Variants in NXPH1 observed in about 807,000 individuals in gnomAD.
NXPH1 encodes neurexophilin-1.
NXPH1 carries 5 observed loss-of-function variants against 23.7 expected under a neutral mutation model. That is an observed-to-expected ratio of 0.21 (90% CI 0.11 to 0.44). The LOEUF (loss-of-function observed/expected upper bound fraction) is 0.44. NXPH1 is among the 20% of genes least tolerant of loss of function. The pLI is 0.99. For synonymous variants in NXPH1, 144 were observed against 122.2 expected, an observed-to-expected ratio of 1.18 and a Z score of -1.18; for missense variants, 324 against 321.6, an observed-to-expected ratio of 1.01 and a Z score of -0.06.
At chr7:8,681,407 A>C (rs1004004844) in intron 2 of NXPH1, among the ~76,000 whole-genome samples, 4 of 152,184 alleles carry the variant, frequency 2.6e-5, no homozygotes, top group Admixed American at 1.3e-4. Context: ...GTAGACACCA[A>C]AGGGACCTTG....
chr7:8,673,540 T>A (rs1298655451), intron 2 of NXPH1, among the ~76,000 whole-genome samples: 1 of 152,198 alleles, frequency 6.6e-6, no homozygotes, highest in Non-Finnish European at 1.5e-5. Flanking sequence ...CAGTGCTGGG[T>A]TTGTATTCCA....
At chr7:8,528,605 C>G (rs930472236) in intron 2 of NXPH1, among the ~76,000 whole-genome samples, 2 of 152,148 alleles carry the variant, frequency 1.3e-5, no homozygotes, top group Non-Finnish European at 2.9e-5. Context: ...TTGCAGTGGT[C>G]TCTTCTCCCT....
chr7:8,449,532 C>T (rs538845961), intron 2 of NXPH1, among the ~76,000 whole-genome samples: 1 of 152,216 alleles, frequency 6.6e-6, no homozygotes, highest in South Asian at 2.1e-4. Flanking sequence ...AATATCTTTA[C>T]TGTTAATATA....
At chr7:8,572,062 A>T (rs1818660770) in intron 2 of NXPH1, among the ~76,000 whole-genome samples, 1 of 151,956 alleles carries the variant, frequency 6.6e-6, no homozygotes, top group Non-Finnish European at 1.5e-5. Flanking sequence ...TTTAGCAAAA[A>T]ACAGGACACC....
At chr7:8,519,039 G>C (rs73678045) in intron 2 of NXPH1, among the ~76,000 whole-genome samples, 2,766 of 152,110 alleles carry the variant, frequency 0.018, 76 homozygotes, top group African/African-American at 0.061. Flanking sequence ...GCATGGGTAG[G>C]CTATTGTTAT....
chr7:8,522,415 A>G (rs182992110), intron 2 of NXPH1, among the ~76,000 whole-genome samples: 4 of 152,240 alleles, frequency 2.6e-5, no homozygotes, highest in Non-Finnish European at 5.9e-5. Context: ...ATTATGTCCA[A>G]CATTGCTAAA....
intron 2 of NXPH1, among the ~76,000 whole-genome samples, chr7:8,703,102 T>C (rs1779652816): frequency 6.6e-6 from 1 of 152,196 alleles, no homozygotes; most frequent in East Asian, 1.9e-4. Flanking sequence ...ATATCCCTAG[T>C]AATTGAAGTT....
intron 2 of NXPH1, among the ~76,000 whole-genome samples, chr7:8,729,000 A>G (rs1437245045): frequency 6.6e-6 from 1 of 151,542 alleles, no homozygotes; most frequent in African/African-American, 2.4e-5. Context: ...GCTATTGATT[A>G]TTGCCACAAT....
intron 2 of NXPH1, among the ~76,000 whole-genome samples, chr7:8,738,254 C>T (rs1258156698): frequency 1.3e-5 from 2 of 152,158 alleles, no homozygotes; most frequent in South Asian, 2.1e-4. Context: ...CTGGTTTTTC[C>T]TCATCTTTAT....
chr7:8,685,371 C>G (rs543086639), intron 2 of NXPH1, among the ~76,000 whole-genome samples: 3 of 151,608 alleles, frequency 2.0e-5, no homozygotes, highest in Non-Finnish European at 4.4e-5. Context: ...TCTTTCTGTG[C>G]CTGGCTTATT....
intron 2 of NXPH1, among the ~76,000 whole-genome samples, chr7:8,661,747 C>T (rs948531526): frequency 6.6e-6 from 1 of 152,068 alleles, no homozygotes; most frequent in East Asian, 1.9e-4. Flanking sequence ...CAAAATTTTT[C>T]AAGTATAAAG....
At chr7:8,619,892 T>C (rs1819828212) in intron 2 of NXPH1, among the ~76,000 whole-genome samples, 1 of 152,194 alleles carries the variant, frequency 6.6e-6, no homozygotes, top group South Asian at 2.1e-4. Flanking sequence ...TGAGACTTGC[T>C]TCCTCAACTA....
intron 2 of NXPH1, among the ~76,000 whole-genome samples, chr7:8,578,847 A>G (rs1348066307): frequency 6.6e-6 from 1 of 152,216 alleles, no homozygotes; most frequent in Non-Finnish European, 1.5e-5. Context: ...TGAGCCTTAC[A>G]AGATTGCAGG....
chr7:8,550,394 A>G (rs1562399367), intron 2 of NXPH1, among the ~76,000 whole-genome samples: 1 of 151,620 alleles, frequency 6.6e-6, no homozygotes, highest in Non-Finnish European at 1.5e-5. Flanking sequence ...GGGCATTCCA[A>G]AAGGATCTTA....
intron 2 of NXPH1, among the ~76,000 whole-genome samples, chr7:8,498,827 G>A (rs1207331147): frequency 6.6e-6 from 1 of 151,986 alleles, no homozygotes; most frequent in Non-Finnish European, 1.5e-5. Flanking sequence ...TTTAGACCTA[G>A]GAAAGGGAAA....
chr7:8,739,171 TAAA>T lies in NXPH1; in HGVS notation c.55-11806_55-11804del, dbSNP rs34593997. On this transcript the variant is annotated intron_variant, in intron 2 of 2. Coordinates refer to ENST00000405863, the MANE Select transcript of NXPH1 (RefSeq NM_152745.3). ...ACTGGAGTTCCAGGCACCAGTGGGG[TAAA>T]AAAAAAAAAAAAAAAAAAAAAAAAA... Among the ~76,000 whole-genome samples, 406 of 54,020 alleles carry T rather than the reference TAAA, an allele frequency of 7.5e-3. 4 individuals are homozygous for T. The highest frequency in any genetic ancestry group is 0.015 in the African/African-American group (196 of 13,072). The allele number at this position is 54,020 out of a possible 152,430, so 35.4% of individuals were successfully genotyped here. A position where few individuals can be genotyped will look rare whatever the true frequency, so the allele number is the denominator to read the frequency against.
intron 2 of NXPH1, among the ~76,000 whole-genome samples, chr7:8,528,441 A>T (rs1186125280): frequency 6.6e-6 from 1 of 152,274 alleles, no homozygotes; most frequent in Non-Finnish European, 1.5e-5. Context: ...ATTGCATCCC[A>T]CAAGTAAACA....
intron 2 of NXPH1, among the ~76,000 whole-genome samples, chr7:8,722,428 A>C (rs1001722980): frequency 6.6e-6 from 1 of 152,142 alleles, no homozygotes; most frequent in African/African-American, 2.4e-5. Context: ...TCTCATTTCA[A>C]TTCTCTCCTT....
chr7:8,752,320 T>C lies in NXPH1; in HGVS notation c.*551T>C, dbSNP rs1168332366. On this transcript the variant is annotated 3_prime_UTR_variant, in exon 3 of 3. Coordinates refer to ENST00000405863, the MANE Select transcript of NXPH1 (RefSeq NM_152745.3). ...AAAAATGTGTCTTTAGAGCTCAGTA[T>C]TCTTTATTTTACAAACACAACAAAA... 6.5e-6 allele frequency: 1 copy of C among 153,306 alleles called. No homozygotes were observed. Among genetic ancestry groups the C allele is most frequent in the Non-Finnish European group, 1.5e-5 (1 of 68,556 alleles). 9.5% of individuals were successfully genotyped at this position (153,306 alleles called of 1,614,324 possible).
Sources: allele counts gnomAD v4.1 joint callset (sites outside exome capture counted in the v4.1 genomes callset), GRCh38; gene constraint gnomAD v4.1.1; transcripts MANE v1.5; gene names NCBI Gene and HGNC (gene_info 2026-07-23, HGNC 2026-07-21).